Variants in ZNF208 observed in about 807,000 individuals in gnomAD.
ZNF208 encodes zinc finger protein 95.
In ZNF208, 10 loss-of-function variants were observed where a neutral mutation model predicts 12.1. That is an observed-to-expected ratio of 0.83 (90% CI 0.51 to 1.40). The LOEUF (loss-of-function observed/expected upper bound fraction) is 1.40, where lower values mean the gene tolerates loss of function less well. Among genes scored for constraint, ZNF208 ranks in the 40% most tolerant of loss-of-function variants. ZNF208 has a pLI of 0.00. For missense variants in ZNF208, 1,652 were observed against 1,485.0 expected (o/e 1.11, Z -1.85); for synonymous variants, 497 against 488.4 (o/e 1.02, Z -0.23).
intron 3 of ZNF208, among the ~76,000 whole-genome samples, chr19:21,978,953 C>T (rs116141646): frequency 0.018 from 2,765 of 152,058 alleles, 70 homozygotes; most frequent in African/African-American, 0.062. Flanking sequence ...ACAGCTGAAT[C>T]GATAAAGCGG....
chr19:21,946,328 T>C (rs1341560146), intron 4 of ZNF208, among the ~76,000 whole-genome samples: 1 of 152,156 alleles, frequency 6.6e-6, no homozygotes, highest in Non-Finnish European at 1.5e-5. Flanking sequence ...CTGATTGGTC[T>C]CAGGCCAAGG....
At chr19:21,956,009 G>T (rs1028026449) in intron 4 of ZNF208, among the ~76,000 whole-genome samples, 1 of 150,676 alleles carries the variant, frequency 6.6e-6, no homozygotes, top group East Asian at 2.0e-4. Context: ...GTACAGATGG[G>T]GTTTTGGTGT....
intron 1 of ZNF208, among the ~76,000 whole-genome samples, chr19:21,997,067 T>C (rs1226521195): frequency 6.6e-6 from 1 of 152,170 alleles, no homozygotes; most frequent in Non-Finnish European, 1.5e-5. Flanking sequence ...GTTTGGGAAA[T>C]ATAATTAGAA....
rs1311967265 is a variant in ZNF208, at chr19:21,971,352, C to T, written c.3682G>A (p.Glu1228Lys). 3 of 1,611,224 alleles carry T rather than the reference C, an allele frequency of 1.9e-6. No homozygotes were observed. The highest frequency in any genetic ancestry group is 2.5e-6 in the Non-Finnish European group (3 of 1,179,842). Residue 1228 changes from glutamate (E) to lysine (K), a missense_variant, in exon 4 of 4, where the codon GAA (glutamate) becomes AAA (lysine). Coordinates refer to ENST00000397126, the MANE Select transcript of ZNF208 (RefSeq NM_007153.3). ...GTACTAAAGGCTTTGCCACATTCTT[C>T]ACATTTGTAGGGTTTCTCTCCAGTA... ...IHTGEKPYKC[E>K]ECGKAFSTFS...
At chr19:21,989,397 A>C (rs1276054646) in intron 1 of ZNF208, among the ~76,000 whole-genome samples, 2 of 151,736 alleles carry the variant, frequency 1.3e-5, no homozygotes, top group Non-Finnish European at 2.9e-5. Context: ...CCATGTCCCA[A>C]CAAAGGACAT....
In ZNF208 at chr19:21,968,987, G is replaced by A. The variant is rs61612563; in HGVS notation, c.*2204C>T. Among the ~76,000 whole-genome samples, 1,590 of 152,144 alleles carry A rather than the reference G, an allele frequency of 0.01. 23 individuals are homozygous for A. The highest frequency in any genetic ancestry group is 0.032 in the African/African-American group (1,335 of 41,500). On this transcript the variant is annotated 3_prime_UTR_variant, in exon 4 of 4. Coordinates refer to ENST00000397126, the MANE Select transcript of ZNF208 (RefSeq NM_007153.3). Reference sequence around the variant, plus strand: ...ATCATGAGGTCAGGAGATAGAGACCGTCCTGGCTAATATGGTGAAACCCCA... The same window carrying A: ...ATCATGAGGTCAGGAGATAGAGACCATCCTGGCTAATATGGTGAAACCCCA...
In ZNF208 at chr19:21,974,237, A is replaced by G; in HGVS notation, c.797T>C (p.Phe266Ser). The change falls in exon 4 of 4, where the codon TTT (phenylalanine) becomes TCT (serine). Residue 266 changes from phenylalanine to serine, a missense_variant. Around this residue, in one of 3 missense-constraint regions of ZNF208, gnomAD observed 410 missense variants for 378.2 expected, o/e 1.08. Transcript: ENST00000397126. ...TTTAGTAAGGATTGCAGATTGGTTA[A>G]AAGCCTTGCCACATTCTTCACATTT... Reference protein sequence around the residue: ...SYKCEECGKAFNQSAILTKHK... With the variant: ...SYKCEECGKASNQSAILTKHK... 6.2e-7 allele frequency: 1 copy of G among 1,608,280 alleles called. No homozygotes were observed.
In ZNF208 at chr19:21,945,475, TAC is replaced by T. The variant is rs201137451; in HGVS notation, c.306-12240_306-12239del. Among the ~76,000 whole-genome samples, 1,150 of 152,308 alleles carry T rather than the reference TAC, an allele frequency of 7.6e-3. 18 individuals are homozygous for T. Among genetic ancestry groups the T allele is most frequent in the African/African-American group, 0.025 (1,053 of 41,560 alleles). ...TTTTTGTTATCAACATTTTTTCTCTTACATGTCAATATTCACATTTTAAACAC... is the reference window on the plus strand; with the variant it reads ...TTTTTGTTATCAACATTTTTTCTCTTATGTCAATATTCACATTTTAAACAC... On this transcript the variant is annotated intron_variant, in intron 4 of 4. Transcript: ENST00000599916.
At chr19:21,989,450 T>C (rs943423761) in intron 1 of ZNF208, among the ~76,000 whole-genome samples, 4 of 152,100 alleles carry the variant, frequency 2.6e-5, no homozygotes, top group Non-Finnish European at 4.4e-5. Flanking sequence ...CCATGGTATA[T>C]ATGTGCCACA....
chr19:22,004,801 C>A (rs1321389389), intron 1 of ZNF208, among the ~76,000 whole-genome samples: 1 of 152,128 alleles, frequency 6.6e-6, no homozygotes, highest in African/African-American at 2.4e-5. Flanking sequence ...GAAAAAGTAC[C>A]TTTTTGGTGC....
intron 1 of ZNF208, among the ~76,000 whole-genome samples, chr19:21,990,479 T>C (rs900781504): frequency 3.3e-5 from 5 of 152,092 alleles, no homozygotes; most frequent in Non-Finnish European, 5.9e-5. Flanking sequence ...AGTACCATGA[T>C]GTTTTGGTTA....
At position 21,972,776 on chromosome 19, in the gene ZNF208, T is replaced by C; in HGVS notation, c.2258A>G (p.Glu753Gly). Residue 753 changes from glutamate to glycine, a missense_variant, in exon 4 of 4, where the codon GAA becomes GGA. Glu to Gly is a moderately conservative substitution (Grantham distance 98). Around this residue, in one of 3 missense-constraint regions of ZNF208, gnomAD observed 1,239 missense variants for 1,086.2 expected, o/e 1.14. Coordinates refer to ENST00000397126, the MANE Select transcript of ZNF208 (RefSeq NM_007153.3). ...GGACCACTTATAGGCTTTGCCACAT[T>C]CTTCACATTTGTAGGGTTTCTCTCC... is the stretch of plus-strand genomic sequence containing the variant. ...HTGEKPYKCE[E>G]CGKAYKWSST... The C allele has an allele frequency of 6.2e-7, 1 of 1,611,974 alleles. No individual in the cohort carries two copies. Among genetic ancestry groups the C allele is most frequent in the Non-Finnish European group, 8.5e-7 (1 of 1,179,840 alleles).
chr19:21,971,309 T>C lies in ZNF208; in HGVS notation c.3725A>G (p.Lys1242Arg), dbSNP rs769806731. 1 of 1,611,886 alleles carries C rather than the reference T, an allele frequency of 6.2e-7. No homozygotes were observed. Among genetic ancestry groups the C allele is most frequent in the East Asian group, 2.2e-5 (1 of 44,846 alleles). The stretch of plus-strand genomic sequence containing the variant: ...CTCTCCAGTATGAATTACCTTATGT[T>C]TAGTGAGGATTGAGAACGTACTAAA... Reference protein sequence around the residue: ...KAFSTFSILTKHKVIHTGEKP... With the variant: ...KAFSTFSILTRHKVIHTGEKP... The change falls in exon 4 of 4, where the codon AAA becomes AGA. Residue 1242 changes from lysine (K) to arginine (R), a missense_variant. This residue lies in a region of ZNF208 where 1,239 missense variants were observed against 1,086.2 expected (regional missense o/e 1.14). Coordinates refer to ENST00000397126, the MANE Select transcript of ZNF208 (RefSeq NM_007153.3).
rs1334793728 is a variant in ZNF208 at position 21,966,155 on chromosome 19, A to G, written c.*5036T>C. On this transcript the variant is annotated 3_prime_UTR_variant, in exon 4 of 4. Coordinates refer to ENST00000397126, the MANE Select transcript of ZNF208 (RefSeq NM_007153.3). The stretch of plus-strand genomic sequence containing the variant: ...ATTTAAGGTACATGTGCAGATTTGT[A>G]AAACAGGTAGACTACATGATGTTGA... The G allele has an allele frequency of 2.6e-5, 4 of 152,094 alleles. No individual in the cohort carries two copies. Among genetic ancestry groups the G allele is most frequent in the Non-Finnish European group, 4.4e-5 (3 of 67,982 alleles). The allele number at this position is 152,094 out of a possible 1,614,324, so 9.4% of individuals were successfully genotyped here.
At chr19:21,940,568 C>G (rs1568431026) in intron 4 of ZNF208, 1 of 151,728 alleles carries the variant, frequency 6.6e-6, no homozygotes, top group East Asian at 1.9e-4. Flanking sequence ...GCCAGTTCTA[C>G]TCTCTCTCTC....
At chr19:21,947,049 T>C (rs1231783449) in intron 4 of ZNF208, among the ~76,000 whole-genome samples, 2 of 152,132 alleles carry the variant, frequency 1.3e-5, no homozygotes, top group Admixed American at 6.6e-5. Context: ...TTACAGCCTA[T>C]GGATATAATC....
At chr19:21,990,733 C>T (rs1452515410) in intron 1 of ZNF208, among the ~76,000 whole-genome samples, 2 of 152,166 alleles carry the variant, frequency 1.3e-5, no homozygotes, top group Non-Finnish European at 2.9e-5. Flanking sequence ...TCTTCCTACC[C>T]ATGAGCATGG....
intron 2 of ZNF208, among the ~76,000 whole-genome samples, chr19:21,987,771 A>G (rs1970653010): frequency 6.6e-6 from 1 of 152,220 alleles, no homozygotes; most frequent in African/African-American, 2.4e-5. Flanking sequence ...CACCACTGCT[A>G]TAGATTAGGT....
intron 4 of ZNF208, among the ~76,000 whole-genome samples, chr19:21,954,478 T>G (rs2145520094): frequency 6.6e-6 from 1 of 152,338 alleles, no homozygotes; most frequent in Non-Finnish European, 1.5e-5. Context: ...TAAGTCTCTT[T>G]GTAGGTCTCT....
Sources: gnomAD v4.1 joint callset for allele counts (sites outside exome capture counted in the v4.1 genomes callset) on GRCh38, gnomAD v4.1.1 for gene constraint, gnomAD v4.1.1 regional missense constraint, MANE v1.5 for transcripts, NCBI Gene and HGNC (gene_info 2026-07-23, HGNC 2026-07-21) for gene names.